The following ZNF503 variants were observed in gnomAD, a reference collection of about 807,000 sequenced individuals.
The protein encoded by ZNF503 is NocA-like zinc finger 2.
In ZNF503, 15 loss-of-function variants were observed where a neutral mutation model predicts 34.4. The ratio of observed to expected loss-of-function variants is 0.44; its 90% CI spans 0.29 to 0.67. ZNF503 has a LOEUF of 0.67. ZNF503 is among the 30% of genes least tolerant of loss of function. The probability of loss-of-function intolerance (pLI) is 0.13; values close to 1 mark genes in which losing one functional copy is unlikely to be tolerated. For synonymous variants in ZNF503, 580 were observed against 456.8 expected (o/e 1.27, Z -3.44); for missense variants, 1,007 against 926.8 (o/e 1.09, Z -1.12).
chr10:75,304,369 C>A, the ZNF503 span, among the ~76,000 whole-genome samples: 1 of 151,830 alleles, frequency 6.6e-6, no homozygotes. Context: ...GTGAGACTCT[C>A]ATTTAGTAAA....
Position 75,399,806 on chromosome 10 carries a change from T to C in ZNF503, c.884A>G (p.Asn295Ser). The C allele has an allele frequency of 6.2e-7, 1 of 1,602,560 alleles. No individual in the cohort carries two copies. Among genetic ancestry groups the C allele is most frequent in the Non-Finnish European group, 8.5e-7 (1 of 1,176,762 alleles). Residue 295 changes from asparagine to serine, a missense_variant, in exon 2 of 2, where the codon AAC becomes AGC. Transcript: ENST00000372524. ...SCGGGINVDV[N>S]QHPDGGPGGK... ...TCCCGGGCCCCCATCCGGATGCTGGTTCACATCCACATTAATCCCGCCGCC... is the reference window on the plus strand; with the variant it reads ...TCCCGGGCCCCCATCCGGATGCTGGCTCACATCCACATTAATCCCGCCGCC...
the ZNF503 span, among the ~76,000 whole-genome samples, chr10:75,386,927 C>T: frequency 2.0e-5 from 3 of 152,236 alleles, no homozygotes; most frequent in Non-Finnish European, 4.4e-5. Flanking sequence ...CGCCTTAAGG[C>T]AACAGTTGTC....
At chr10:75,294,379 G>A in the ZNF503 span, among the ~76,000 whole-genome samples, 1 of 152,222 alleles carries the variant, frequency 6.6e-6, no homozygotes, top group African/African-American at 2.4e-5. Context: ...CAAAGAAGAG[G>A]GCGGACGGGG....
chr10:75,401,633 C>T lies in ZNF503; in HGVS notation c.-214G>A. 1.7e-6 allele frequency: 1 copy of T among 583,112 alleles called. No homozygotes were observed. Among genetic ancestry groups the T allele is most frequent in the South Asian group, 2.1e-5 (1 of 48,104 alleles). The allele number at this position is 583,112 out of a possible 1,614,324, so 36.1% of individuals were successfully genotyped here. A position where few individuals can be genotyped will look rare whatever the true frequency, so the allele number is the denominator to read the frequency against. On this transcript the variant is annotated 5_prime_UTR_variant, in exon 1 of 2. Coordinates refer to ENST00000372524, the MANE Select transcript of ZNF503 (RefSeq NM_032772.6). ...CGGAGCCGTGGCCGGGCTAGAGGAG[C>T]CGGCTGGACTGCGGGAGTGCCGGGC...
chr10:75,391,977 C>T, the ZNF503 span, among the ~76,000 whole-genome samples: 8 of 152,058 alleles, frequency 5.3e-5, no homozygotes, highest in South Asian at 2.1e-4. Flanking sequence ...ACATTAAATC[C>T]GATAAAAAGG....
At chr10:75,282,628 GCT>G in the ZNF503 span, among the ~76,000 whole-genome samples, 1 of 152,212 alleles carries the variant, frequency 6.6e-6, no homozygotes, top group African/African-American at 2.4e-5. Context: ...TGGGAAGGAA[GCT>G]TCCATTTTCG....
the ZNF503 span, among the ~76,000 whole-genome samples, chr10:75,312,742 A>T: frequency 1.3e-5 from 2 of 151,370 alleles, no homozygotes; most frequent in African/African-American, 4.9e-5. Context: ...TAGACAGATT[A>T]AAAAAAAACA....
the ZNF503 span, among the ~76,000 whole-genome samples, chr10:75,294,102 G>T: frequency 1.3e-5 from 2 of 152,232 alleles, no homozygotes; most frequent in Non-Finnish European, 2.9e-5. Flanking sequence ...AGGCTCCGGG[G>T]AGGAGCTAAG....
At chr10:75,299,473 T>C in the ZNF503 span, among the ~76,000 whole-genome samples, 1 of 152,196 alleles carries the variant, frequency 6.6e-6, no homozygotes, top group Non-Finnish European at 1.5e-5. Flanking sequence ...GTTTTTGTTT[T>C]ACGTATTTAG....
At position 75,399,225 on chromosome 10, in the gene ZNF503, C is replaced by T; in HGVS notation, c.1465G>A (p.Gly489Ser). The stretch of plus-strand genomic sequence containing the variant: ...CCGGCCAGGGAGGGCGGTGTGGCGC[C>T]AGCAGCCGCGGCGGCCGTTAGCGAG... ...HSSLTAAAAAGATPPSLAGHP... is the reference protein window; with the variant it reads ...HSSLTAAAAASATPPSLAGHP... The change falls in exon 2 of 2, where the codon GGC becomes AGC. Residue 489 changes from glycine to serine, a missense_variant. Gly to Ser is a moderately conservative substitution (Grantham distance 56). Transcript: ENST00000372524. 6.3e-7 allele frequency: 1 copy of T among 1,591,392 alleles called. No individual in the cohort carries two copies. The highest frequency in any genetic ancestry group is 8.6e-7 in the Non-Finnish European group (1 of 1,167,940).
Position 75,399,172 on chromosome 10 carries a change from C to A in ZNF503, c.1518G>T (p.Met506Ile). The change falls in exon 2 of 2, where the codon ATG becomes ATT. Residue 506 changes from methionine to isoleucine, a missense_variant. By Grantham distance (10) the Met-to-Ile change is conservative. Transcript: ENST00000372524. ...TGTGGGGGAGTGGGTCGTTAGGGAG[C>A]ATAAAGCCGTAGGGGTAGAGGGGGT... ...AGHPLYPYGFMLPNDPLPHIC... is the reference protein window; with the variant it reads ...AGHPLYPYGFILPNDPLPHIC... 6.2e-7 allele frequency: 1 copy of A among 1,611,454 alleles called. No homozygotes were observed. The highest frequency in any genetic ancestry group is 8.5e-7 in the Non-Finnish European group (1 of 1,178,532).
the ZNF503 span, among the ~76,000 whole-genome samples, chr10:75,351,286 C>T: frequency 2.6e-5 from 4 of 152,162 alleles, no homozygotes; most frequent in Non-Finnish European, 5.9e-5. Flanking sequence ...ATTCTTGTGC[C>T]TCAGCCTCCT....
chr10:75,394,396 C>A (rs941127563), downstream of ZNF503, among the ~76,000 whole-genome samples: 18 of 152,224 alleles, frequency 1.2e-4, no homozygotes, highest in African/African-American at 4.3e-4. Flanking sequence ...CTCTAAGCAC[C>A]ACCAGGCTGC....
chr10:75,282,134 C>T, the ZNF503 span, among the ~76,000 whole-genome samples: 3 of 152,152 alleles, frequency 2.0e-5, no homozygotes, highest in Non-Finnish European at 4.4e-5. Flanking sequence ...GATCAAGGGC[C>T]CTCTGGCAGT....
the ZNF503 span, among the ~76,000 whole-genome samples, chr10:75,362,919 A>G: frequency 6.6e-6 from 1 of 151,940 alleles, no homozygotes; most frequent in African/African-American, 2.4e-5. Context: ...CCCCCTCTTC[A>G]ATCTCTCATT....
chr10:75,319,118 C>A, the ZNF503 span, among the ~76,000 whole-genome samples: 1 of 152,098 alleles, frequency 6.6e-6, no homozygotes, highest in Admixed American at 6.6e-5. Context: ...CACTGCCATG[C>A]CTGACTAATT....
chr10:75,359,988 C>T, the ZNF503 span, among the ~76,000 whole-genome samples: 1 of 152,032 alleles, frequency 6.6e-6, no homozygotes, highest in African/African-American at 2.4e-5. Context: ...GTGTTTATTA[C>T]CCAGGCCCAA....
chr10:75,290,701 C>T, the ZNF503 span, among the ~76,000 whole-genome samples: 28 of 152,302 alleles, frequency 1.8e-4, no homozygotes, highest in East Asian at 4.0e-3. Flanking sequence ...ATCCATCTAC[C>T]ACATCCATAA....
Position 75,398,120 on chromosome 10 carries a change from C to T in ZNF503, c.*629G>A, listed in dbSNP as rs1011198647. 6 of 151,660 alleles carry T rather than the reference C, an allele frequency of 4.0e-5. No individual in the cohort carries two copies. The highest frequency in any genetic ancestry group is 6.6e-5 in the Admixed American group (1 of 15,214). The allele number at this position is 151,660 out of a possible 1,614,324, so 9.4% of individuals were successfully genotyped here. On this transcript the variant is annotated 3_prime_UTR_variant, in exon 2 of 2. Coordinates refer to ENST00000372524, the MANE Select transcript of ZNF503 (RefSeq NM_032772.6). ...CTTAAAAATAATTGCAATTTGAAAT[C>T]AGAGCTGACAAATTGTGACTTTTTT...
Sources: gnomAD v4.1 joint callset for allele counts (sites outside exome capture counted in the v4.1 genomes callset) on GRCh38, gnomAD v4.1.1 for gene constraint, MANE v1.5 for transcripts, NCBI Gene and HGNC (gene_info 2026-07-23, HGNC 2026-07-21) for gene names.